KIAA0513: variants seen among roughly 807,000 people sequenced by gnomAD.
The protein encoded by KIAA0513 is uncharacterized protein KIAA0513.
KIAA0513 carries 39 observed loss-of-function variants against 56.5 expected under a neutral mutation model. The observed-to-expected ratio is 0.69, with a 90% CI of 0.53 to 0.90. The LOEUF (loss-of-function observed/expected upper bound fraction) is 0.90, where lower values mean the gene tolerates loss of function less well. Ranked by LOEUF, KIAA0513 falls within the 40% of genes least tolerant of loss-of-function variation. The pLI, the probability that KIAA0513 is intolerant of heterozygous loss-of-function variation, is 0.00. For missense variants in KIAA0513, 591 were observed against 535.2 expected, an observed-to-expected ratio of 1.10 and a Z score of -1.03; for synonymous variants, 268 against 215.6, an observed-to-expected ratio of 1.24 and a Z score of -2.13.
intron 1 of KIAA0513, among the ~76,000 whole-genome samples, chr16:85,040,199 T>C (rs2073087310): frequency 6.6e-6 from 1 of 152,180 alleles, no homozygotes; most frequent in African/African-American, 2.4e-5. Flanking sequence ...TGCTTGGAGT[T>C]AATATAGATC....
At chr16:85,083,173 G>A (rs1023801707) in intron 10 of KIAA0513, among the ~76,000 whole-genome samples, 1 of 152,204 alleles carries the variant, frequency 6.6e-6, no homozygotes, top group Non-Finnish European at 1.5e-5. Flanking sequence ...ATGGGGGTGC[G>A]AGGGGCCCCC....
chr16:85,086,878 C>T (rs2073815339), intron 11 of KIAA0513, 154 bp downstream of exon 11: 8 of 844,530 alleles, frequency 9.5e-6, no homozygotes, highest in East Asian at 5.3e-5. Flanking sequence ...ATAATTAATC[C>T]GCCTCCTACA....
chr16:85,056,819 C>T (rs192457523), intron 1 of KIAA0513, among the ~76,000 whole-genome samples: 1 of 152,164 alleles, frequency 6.6e-6, no homozygotes, highest in Non-Finnish European at 1.5e-5. Context: ...CATGCCTCAG[C>T]CTCCCAGACA....
Position 85,076,050 on chromosome 16 carries a change from A to G in KIAA0513, c.574+136A>G. 1 of 668,382 alleles carries G rather than the reference A, an allele frequency of 1.5e-6. No individual in the cohort carries two copies. The allele number at this position is 668,382 out of a possible 1,614,324, so 41.4% of individuals were successfully genotyped here. ...AGAACAGAGGAAGCTGATGTTAGGG[A>G]GGAGTGAGACTTCGGAGAAAACACA... On this transcript the variant is annotated intron_variant, in intron 5 of 12. Transcript: ENST00000683363. This position sits in a 1 kb window ranked among gnomAD's most constrained non-coding sequence, Gnocchi z 4.7.
chr16:85,072,882 G>C (rs755082719), intron 3 of KIAA0513, 43 bp from the exon 4 acceptor site: 1 of 1,591,270 alleles, frequency 6.3e-7, no homozygotes, highest in Non-Finnish European at 8.6e-7. Flanking sequence ...TGCTGCGTGT[G>C]TCGCCCTGAA....
At chr16:85,036,254 T>G (rs896309619) in intron 1 of KIAA0513, among the ~76,000 whole-genome samples, 3 of 152,238 alleles carry the variant, frequency 2.0e-5, no homozygotes, top group Admixed American at 6.5e-5. Context: ...TACTGAGTGA[T>G]GCAACCCTTA....
At chr16:85,071,276 C>G (rs1237095480) in intron 2 of KIAA0513, among the ~76,000 whole-genome samples, 1 of 152,206 alleles carries the variant, frequency 6.6e-6, no homozygotes, top group Non-Finnish European at 1.5e-5. Context: ...TGAGCGAGCG[C>G]CCCGCTGATA....
chr16:85,033,269 A>T (rs1330127859), intron 1 of KIAA0513, among the ~76,000 whole-genome samples: 1 of 152,144 alleles, frequency 6.6e-6, no homozygotes, highest in East Asian at 1.9e-4. Flanking sequence ...TTCTGATTGC[A>T]GAGCCCACAA....
At chr16:85,057,790 C>G (rs1285319801) in intron 1 of KIAA0513, among the ~76,000 whole-genome samples, 1 of 148,086 alleles carries the variant, frequency 6.8e-6, no homozygotes, top group African/African-American at 2.5e-5. Flanking sequence ...TTTTCTCTCT[C>G]TCTCCTTTTA....
At chr16:85,085,144 G>T (rs529127812) in intron 10 of KIAA0513, among the ~76,000 whole-genome samples, 1 of 152,216 alleles carries the variant, frequency 6.6e-6, no homozygotes, top group African/African-American at 2.4e-5. Flanking sequence ...GGGTTTATGT[G>T]TCTGGACAAC....
intron 1 of KIAA0513, among the ~76,000 whole-genome samples, chr16:85,050,814 G>A (rs181256265): frequency 1.3e-3 from 194 of 152,246 alleles, no homozygotes; most frequent in African/African-American, 4.3e-3. Context: ...ACTGCCTGCC[G>A]TGTGCCCAGC....
At chr16:85,063,901 G>A (rs1016882337) in intron 1 of KIAA0513, among the ~76,000 whole-genome samples, 9 of 151,272 alleles carry the variant, frequency 5.9e-5, no homozygotes, top group Non-Finnish European at 7.4e-5. Flanking sequence ...AGAATATTCT[G>A]TTTACTTCAC....
At chr16:85,082,885 C>T (rs918421778) in intron 10 of KIAA0513, among the ~76,000 whole-genome samples, 49 of 152,266 alleles carry the variant, frequency 3.2e-4, no homozygotes, top group Non-Finnish European at 5.0e-4. Context: ...AGCATGAGCT[C>T]GAGAGGCAAA....
intron 1 of KIAA0513, among the ~76,000 whole-genome samples, chr16:85,029,160 A>C (rs2072928693): frequency 6.6e-6 from 1 of 152,198 alleles, no homozygotes; most frequent in Non-Finnish European, 1.5e-5. Flanking sequence ...TACGCCTTTG[A>C]AACACAGGAC....
At chr16:85,086,560 C>T (rs2073810913) in intron 10 of KIAA0513, 84 bp from the exon 11 acceptor site, 1 of 1,341,074 alleles carries the variant, frequency 7.5e-7, no homozygotes, top group African/African-American at 1.4e-5. Flanking sequence ...GTGCCGCCAG[C>T]ACCTGCGGGT....
chr16:85,060,979 C>T (rs988791405), intron 1 of KIAA0513, among the ~76,000 whole-genome samples: 8 of 151,894 alleles, frequency 5.3e-5, no homozygotes, highest in African/African-American at 1.9e-4. Flanking sequence ...CATGGTGAAA[C>T]CCCATCTCTA....
At chr16:85,055,709 C>A (rs578122411) in intron 1 of KIAA0513, among the ~76,000 whole-genome samples, 21 of 152,348 alleles carry the variant, frequency 1.4e-4, no homozygotes, top group African/African-American at 4.8e-4. Flanking sequence ...AATCCGCCAC[C>A]TTCTCCTTTT....
rs112356899 is a variant in KIAA0513 at position 85,078,067 on chromosome 16, G to A, written c.783-348G>A. 1.0e-3 allele frequency among the ~76,000 whole-genome samples: 153 copies of A among 152,244 alleles called. 1 individual carries two copies. The highest frequency in any genetic ancestry group is 3.3e-3 in the African/African-American group (139 of 41,536). On this transcript the variant is annotated intron_variant, in intron 6 of 12. Coordinates refer to ENST00000683363, the MANE Select transcript of KIAA0513 (RefSeq NM_001388359.1). ...GGACGGGCACATCAGAAGTAGACGC[G>A]TAGAAGCTAAGACTTCCACAAGGAA...
At chr16:85,085,083 T>G (rs531102893) in intron 10 of KIAA0513, among the ~76,000 whole-genome samples, 3 of 152,348 alleles carry the variant, frequency 2.0e-5, no homozygotes, top group African/African-American at 7.2e-5. Context: ...TCTGGGGTTG[T>G]GCAGGGCGCA....
Sources: allele counts gnomAD v4.1 joint callset (sites outside exome capture counted in the v4.1 genomes callset), GRCh38; gene constraint gnomAD v4.1.1; non-coding constraint Gnocchi (gnomAD v3.1); transcripts MANE v1.5; gene names NCBI Gene and HGNC (gene_info 2026-07-23, HGNC 2026-07-21).